The following GGN variants were observed in gnomAD, a reference collection of about 807,000 sequenced individuals.
GGN encodes gametogenetin.
Under a neutral mutation model 35.5 loss-of-function variants are expected in GGN, and 27 were observed. The ratio of observed to expected loss-of-function variants is 0.76; its 90% CI spans 0.56 to 1.05. GGN has a LOEUF of 1.05. Among genes scored for constraint, GGN ranks in the 50% least tolerant of loss-of-function variants. The probability of loss-of-function intolerance (pLI) is 0.00; values close to 1 mark genes in which losing one functional copy is unlikely to be tolerated. For synonymous variants in GGN, 425 were observed against 444.1 expected (o/e 0.96, Z 0.54); for missense variants, 1,006 against 940.7 (o/e 1.07, Z -0.91).
chr19:38,386,705 C>T lies in GGN; in HGVS notation c.557G>A (p.Arg186His), dbSNP rs762267044. 1.9e-6 allele frequency: 3 copies of T among 1,605,184 alleles called. No homozygotes were observed. Among genetic ancestry groups the T allele is most frequent in the African/African-American group, 1.3e-5 (1 of 74,678 alleles). ...TGTGGCCAGAGCAGGAGTGATTCTG[C>T]GGTCCGCCGGCTGCCGTTCAGAAGG... is the stretch of plus-strand genomic sequence containing the variant. ...PLPSERQPAD[R>H]RITPALATPA... is the part of the protein sequence containing the mutation. Residue 186 changes from arginine (R) to histidine (H), a missense_variant, in exon 3 of 4, where the codon CGC (arginine) becomes CAC (histidine). Physicochemically the swap from Arg to His is conservative, Grantham distance 29. Coordinates refer to ENST00000334928, the MANE Select transcript of GGN (RefSeq NM_152657.4).
At position 38,386,710 on chromosome 19, in the gene GGN, C is replaced by A. The variant is rs374672414; in HGVS notation, c.552G>T (p.Ala184=). 3.1e-6 allele frequency: 5 copies of A among 1,605,624 alleles called. No individual in the cohort carries two copies. Among genetic ancestry groups the A allele is most frequent in the East Asian group, 4.5e-5 (2 of 44,684 alleles). The change falls in exon 3 of 4, where the codon GCG becomes GCT. Residue 184 remains alanine (A), a synonymous_variant. Coordinates refer to ENST00000334928, the MANE Select transcript of GGN (RefSeq NM_152657.4). Reference sequence around the variant, plus strand: ...CCAGAGCAGGAGTGATTCTGCGGTCCGCCGGCTGCCGTTCAGAAGGTAATG... The same window carrying A: ...CCAGAGCAGGAGTGATTCTGCGGTCAGCCGGCTGCCGTTCAGAAGGTAATG... ...PPPLPSERQP[A]DRRITPALAT...
Position 38,385,691 on chromosome 19 carries a change from CGGG to C in GGN, c.1568_1570del (p.Thr523_Arg524delinsSer). 2 of 1,613,114 alleles carry C rather than the reference CGGG, an allele frequency of 1.2e-6. No individual in the cohort carries two copies. Among genetic ancestry groups the C allele is most frequent in the Non-Finnish European group, 1.7e-6 (2 of 1,179,846 alleles). ...ACGGGAACCCTTGTTCCTGCGCGTG[CGGG>C]TCTTGATGGGCGCAGCCGCGGGTGC... On this transcript the variant is annotated inframe_deletion, in exon 3 of 4. Transcript: ENST00000334928.
rs1242450134 is a variant in GGN at position 38,385,251 on chromosome 19, C to T, written c.1841+170G>A. On this transcript the variant is annotated intron_variant, in intron 3 of 3. Coordinates refer to ENST00000334928, the MANE Select transcript of GGN (RefSeq NM_152657.4). ...TCCCCCTTTCCCCGTCAAAGGTCAG[C>T]ATGGGATCATGGGTCCTCTTGGTCC... 4.6e-5 allele frequency among the ~76,000 whole-genome samples: 7 copies of T among 152,188 alleles called. No homozygotes were observed. In the South Asian group the frequency reaches 1.4e-3, roughly 32 times the overall value.
chr19:38,386,444 C>T lies in GGN; in HGVS notation c.818G>A (p.Gly273Asp). The T allele has an allele frequency of 1.9e-6, 3 of 1,612,840 alleles. No individual in the cohort carries two copies. Among genetic ancestry groups the T allele is most frequent in the Non-Finnish European group, 1.7e-6 (2 of 1,179,986 alleles). ...ACCTGAGGCAGCAAAGAGGCCGCCG[C>T]CTCCGCCGCCCCCCAGCGAAGCTTT... ...AAKASLGGGGGGGLFAASGAI... is the reference protein window; with the variant it reads ...AAKASLGGGGDGGLFAASGAI... The change falls in exon 3 of 4, where the codon GGC becomes GAC. Residue 273 changes from glycine (G) to aspartate (D), a missense_variant. Coordinates refer to ENST00000334928, the MANE Select transcript of GGN (RefSeq NM_152657.4).
Position 38,385,912 on chromosome 19 carries a change from C to T in GGN, c.1350G>A (p.Gln450=). The T allele has an allele frequency of 6.4e-7, 1 of 1,568,252 alleles. No homozygotes were observed. Among genetic ancestry groups the T allele is most frequent in the Non-Finnish European group, 8.6e-7 (1 of 1,158,796 alleles). Residue 450 remains glutamine (Q), a synonymous_variant, in exon 3 of 4, where the codon CAG becomes CAA. Transcript: ENST00000334928. ...LPPPTPPPTL[Q]PPALQPTPLP... ...GCGGCGTTGGCTGGAGCGCTGGTGG[C>T]TGCAGTGTGGGCGGCGGTGTGGGCG...
chr19:38,388,337 C>T, upstream of GGN: 1 of 395,564 alleles, frequency 2.5e-6, no homozygotes, highest in Non-Finnish European at 4.4e-6. Flanking sequence ...CTCCTTATAC[C>T]CAGGCCCTCC....
At position 38,386,324 on chromosome 19, in the gene GGN, T is replaced by G; in HGVS notation, c.938A>C (p.Glu313Ala). The G allele has an allele frequency of 6.2e-7, 1 of 1,612,028 alleles. No individual in the cohort carries two copies. The highest frequency in any genetic ancestry group is 8.5e-7 in the Non-Finnish European group (1 of 1,179,270). ...CCCTTCGCCGTCTCCATCACCTCCCTCGGCTTCCTGTGCCCCTCGAGAAAC... is the reference window on the plus strand; with the variant it reads ...CCCTTCGCCGTCTCCATCACCTCCCGCGGCTTCCTGTGCCCCTCGAGAAAC... ...GEVSRGAQEA[E>A]GGDGDGEGCS... Residue 313 changes from glutamate to alanine, a missense_variant, in exon 3 of 4, where the codon GAG becomes GCG. Glu to Ala is a moderately radical substitution (Grantham distance 107). Transcript: ENST00000334928.
At chr19:38,388,054 T>G (rs1042272945), upstream of GGN, 1 of 156,828 alleles carries the variant, frequency 6.4e-6, no homozygotes, top group African/African-American at 2.4e-5. Flanking sequence ...CCCTTTGGGT[T>G]GTTCTCCTTA....
In GGN at chr19:38,384,337, G is replaced by T; in HGVS notation, c.*75C>A. 1.8e-6 allele frequency: 2 copies of T among 1,095,304 alleles called. No individual in the cohort carries two copies. Among genetic ancestry groups the T allele is most frequent in the Non-Finnish European group, 2.8e-6 (2 of 718,042 alleles). 67.8% of individuals were successfully genotyped at this position (1,095,304 alleles called of 1,614,324 possible). Reference sequence around the variant, plus strand: ...CTACCCACTGCCTTGGCGAGTGATTGACAGGCTGCTGGCATCTGGATTGGT... The same window carrying T: ...CTACCCACTGCCTTGGCGAGTGATTTACAGGCTGCTGGCATCTGGATTGGT... On this transcript the variant is annotated 3_prime_UTR_variant, in exon 4 of 4. Transcript: ENST00000334928.
In GGN at chr19:38,386,647, C is replaced by T. The variant is rs1568391826; in HGVS notation, c.615G>A (p.Gly205=). The change falls in exon 3 of 4, where the codon GGG becomes GGA. Residue 205 remains glycine, a synonymous_variant. Transcript: ENST00000334928. ...PASPPTESQA[G]PRNQGQTAGR... ...CGGCCGTCTGGCCCTGGTTGCGGGG[C>T]CCAGCCTGGCTTTCTGTCGGGGGTG... is the stretch of plus-strand genomic sequence containing the variant. 1.2e-6 allele frequency: 2 copies of T among 1,612,004 alleles called. No individual in the cohort carries two copies. The highest frequency in any genetic ancestry group is 1.3e-5 in the African/African-American group (1 of 75,014).
In GGN at chr19:38,387,042, G is replaced by C; in HGVS notation, c.220C>G (p.Pro74Ala). ...GGAGAGGGCCGTTCTAAGGTGAGGGGCAGGGTCGAGGGTGAGGCCTGGGGC... is the reference window on the plus strand; with the variant it reads ...GGAGAGGGCCGTTCTAAGGTGAGGGCCAGGGTCGAGGGTGAGGCCTGGGGC... ...REPQASPSTL[P>A]LTLERPSPVM... Residue 74 changes from proline to alanine, a missense_variant, in exon 3 of 4, where the codon CCC (proline) becomes GCC (alanine). Pro to Ala is a conservative substitution (Grantham distance 27). Transcript: ENST00000334928. The surrounding 1 kb of genome is among the most constrained non-coding windows in gnomAD (Gnocchi z 5.3). The C allele has an allele frequency of 6.4e-7, 1 of 1,554,038 alleles. No homozygotes were observed. Among genetic ancestry groups the C allele is most frequent in the Non-Finnish European group, 8.7e-7 (1 of 1,148,660 alleles).
In GGN at chr19:38,385,791, C is replaced by T. The variant is rs200124007; in HGVS notation, c.1471G>A (p.Asp491Asn). 2.3e-3 allele frequency: 3,599 copies of T among 1,548,736 alleles called. 8 individuals carry two copies. Among genetic ancestry groups the T allele is most frequent in the Middle Eastern group, 4.6e-3 (25 of 5,434 alleles). ...APALPPALAA[D>N]QAPAPSPAPA... ...GCCGGGGATGGGGCCGGGGCCTGGT[C>T]GGCGGCTAAGGCTGGGGGCAGAGCA... Residue 491 changes from aspartate (D) to asparagine (N), a missense_variant, in exon 3 of 4, where the codon GAC becomes AAC. Physicochemically the swap from Asp to Asn is conservative, Grantham distance 23. Coordinates refer to ENST00000334928, the MANE Select transcript of GGN (RefSeq NM_152657.4).
At position 38,386,882 on chromosome 19, in the gene GGN, T is replaced by C; in HGVS notation, c.380A>G (p.Glu127Gly). The C allele has an allele frequency of 1.3e-6, 2 of 1,578,242 alleles. No homozygotes were observed. The highest frequency in any genetic ancestry group is 1.7e-6 in the Non-Finnish European group (2 of 1,162,986). Reference protein sequence around the residue: ...TPVPRIRRLLEASHRGQGDPP... With the variant: ...TPVPRIRRLLGASHRGQGDPP... ...GTCGCCCTGGCCGCGATGGCTCGCC[T>C]CCAGCAGGCGGCGGATCCGGGGAAC... Residue 127 changes from glutamate to glycine, a missense_variant, in exon 3 of 4, where the codon GAG (glutamate) becomes GGG (glycine). Physicochemically the swap from Glu to Gly is moderately conservative, Grantham distance 98. Transcript: ENST00000334928.
intron 3 of GGN, 121 bp from the exon 4 acceptor site, chr19:38,384,650 A>G: frequency 1.4e-6 from 1 of 732,136 alleles, no homozygotes; most frequent in Non-Finnish European, 2.3e-6. Context: ...GAATATCCCA[A>G]AGGCAGTTTA....
Position 38,384,336 on chromosome 19 carries a change from T to G in GGN, c.*76A>C, listed in dbSNP as rs935358632. ...CCTACCCACTGCCTTGGCGAGTGAT[T>G]GACAGGCTGCTGGCATCTGGATTGG... On this transcript the variant is annotated 3_prime_UTR_variant, in exon 4 of 4. Transcript: ENST00000334928. 19 of 1,087,082 alleles carry G rather than the reference T, an allele frequency of 1.7e-5. No homozygotes were observed. The highest frequency in any genetic ancestry group is 2.7e-5 in the Non-Finnish European group (19 of 710,854). 67.3% of individuals were successfully genotyped at this position (1,087,082 alleles called of 1,614,324 possible).
chr19:38,385,803 C>G lies in GGN; in HGVS notation c.1459G>C (p.Ala487Pro). 1.9e-6 allele frequency: 3 copies of G among 1,543,312 alleles called. No individual in the cohort carries two copies. Among genetic ancestry groups the G allele is most frequent in the Non-Finnish European group, 2.6e-6 (3 of 1,149,350 alleles). ...APTAAPALPP[A>P]LAADQAPAPS... ...GCCGGGGCCTGGTCGGCGGCTAAGG[C>G]TGGGGGCAGAGCAGGGGCTGCGGTG... is the stretch of plus-strand genomic sequence containing the variant. The change falls in exon 3 of 4, where the codon GCC becomes CCC. Residue 487 changes from alanine to proline, a missense_variant. By Grantham distance (27) the Ala-to-Pro change is conservative (BLOSUM62 -1). Coordinates refer to ENST00000334928, the MANE Select transcript of GGN (RefSeq NM_152657.4).
Position 38,387,013 on chromosome 19 carries a change from C to A in GGN, c.249G>T (p.Val83=), listed in dbSNP as rs558049615. The change falls in exon 3 of 4, where the codon GTG becomes GTT. Residue 83 remains valine (V), a synonymous_variant. Coordinates refer to ENST00000334928, the MANE Select transcript of GGN (RefSeq NM_152657.4). This position sits in a 1 kb window ranked among gnomAD's most constrained non-coding sequence, Gnocchi z 5.3. ...CGGCCGCCTCTTCAGGAGGGGGCATCACTGGAGAGGGCCGTTCTAAGGTGA... is the reference window on the plus strand; with the variant it reads ...CGGCCGCCTCTTCAGGAGGGGGCATAACTGGAGAGGGCCGTTCTAAGGTGA... The part of the protein sequence containing the change: ...LPLTLERPSP[V]MPPPEEAAAV... 8.4e-6 allele frequency: 13 copies of A among 1,545,464 alleles called. No homozygotes were observed. The African/African-American group carries it at 1.1e-4, about 13-fold the overall frequency.
In GGN at chr19:38,385,648, G is replaced by A. The variant is rs1970697503; in HGVS notation, c.1614C>T (p.Thr538=). The stretch of plus-strand genomic sequence containing the variant: ...CATCTCCATGCAAGCCATCCTTACG[G>A]GTCGCGCCCCGGGCTGCACGGGAAC... ...NKGSRAARGA[T]RKDGLHGDGP... is the part of the protein sequence containing the mutation. Residue 538 remains threonine, a synonymous_variant, in exon 3 of 4, where the codon ACC becomes ACT. Coordinates refer to ENST00000334928, the MANE Select transcript of GGN (RefSeq NM_152657.4). 3 of 1,614,016 alleles carry A rather than the reference G, an allele frequency of 1.9e-6. No individual in the cohort carries two copies. In the African/African-American group the frequency reaches 4.0e-5, roughly 22 times the overall value.
In GGN at chr19:38,387,604, C is replaced by T. The variant is rs1213129467; in HGVS notation, c.-20+157G>A. Among the ~76,000 whole-genome samples the T allele has an allele frequency of 1.3e-5, 2 of 152,222 alleles. No homozygotes were observed. The highest frequency in any genetic ancestry group is 2.4e-5 in the African/African-American group (1 of 41,450). ...GACTCCCCGCCTCTCTCTAGAGCAC[C>T]TGGGTCCCGCCCTCTTCCCAGGCAG... On this transcript the variant is annotated intron_variant, in intron 2 of 3. Coordinates refer to ENST00000334928, the MANE Select transcript of GGN (RefSeq NM_152657.4). This position sits in a 1 kb window ranked among gnomAD's most constrained non-coding sequence, Gnocchi z 5.3.
Sources: gnomAD v4.1 joint callset for allele counts (sites outside exome capture counted in the v4.1 genomes callset) on GRCh38, gnomAD v4.1.1 for gene constraint, Gnocchi (gnomAD v3.1) non-coding constraint, MANE v1.5 for transcripts, NCBI Gene and HGNC (gene_info 2026-07-23, HGNC 2026-07-21) for gene names.